Variants in AFG1L observed in about 807,000 individuals in gnomAD.
AFG1L encodes the protein AFG1 like ATPase, also known as AFG1-like ATPase.
A neutral mutation model predicts 62.2 loss-of-function variants in AFG1L; 53 were observed. The ratio of observed to expected loss-of-function variants is 0.85; its 90% confidence interval spans 0.68 to 1.07. The LOEUF (loss-of-function observed/expected upper bound fraction) is 1.07. AFG1L is among the 50% of genes least tolerant of loss of function. The probability of loss-of-function intolerance (pLI) is 0.00; values close to 1 mark genes in which losing one functional copy is unlikely to be tolerated. For missense variants in AFG1L, 555 were observed against 590.5 expected (o/e 0.94, Z 0.62); for synonymous variants, 228 against 210.3 (o/e 1.08, Z -0.73).
At chr6:108,374,824 G>T (rs889022551) in intron 6 of AFG1L, among the ~76,000 whole-genome samples, 1 of 152,016 alleles carries the variant, frequency 6.6e-6, no homozygotes, top group Non-Finnish European at 1.5e-5. Flanking sequence ...GCTCCTTTTT[G>T]GTTCCATATG....
intron 6 of AFG1L, among the ~76,000 whole-genome samples, chr6:108,389,935 G>A (rs1017289892): frequency 3.3e-5 from 5 of 152,168 alleles, no homozygotes; most frequent in African/African-American, 1.2e-4. Flanking sequence ...GCCTCGCTAG[G>A]TTGGGGAAGT....
At chr6:108,424,401 T>C (rs1172039856) in intron 7 of AFG1L, among the ~76,000 whole-genome samples, 1 of 152,128 alleles carries the variant, frequency 6.6e-6, no homozygotes, top group Non-Finnish European at 1.5e-5. Flanking sequence ...TACAAAAGCC[T>C]AATTGCCCCA....
rs1777330822 is a variant in AFG1L at position 108,309,696 on chromosome 6, A to T, written c.140-14129A>T. On this transcript the variant is annotated intron_variant, in intron 1 of 12. Transcript: ENST00000368977. ...CAACTGTAGGTTTTATGAAGTCTAAATACAGATTAAATATTTCCAATGAAA... is the reference window on the plus strand; with the variant it reads ...CAACTGTAGGTTTTATGAAGTCTAATTACAGATTAAATATTTCCAATGAAA... Among the ~76,000 whole-genome samples the T allele has an allele frequency of 2.0e-5, 3 of 152,338 alleles. No homozygotes were observed. The South Asian group carries it at 6.2e-4, about 32-fold the overall frequency.
At chr6:108,313,100 G>C (rs941328884) in intron 1 of AFG1L, among the ~76,000 whole-genome samples, 48 of 152,276 alleles carry the variant, frequency 3.2e-4, no homozygotes, top group African/African-American at 1.2e-3. Flanking sequence ...TGGCCAGGGT[G>C]GTGATCACAT....
In AFG1L at chr6:108,517,886, A is replaced by G. The variant is rs187351428; in HGVS notation, c.1204-1811A>G. ...CTCAAAAGAAGACATTTATTCAGCC[A>G]AAAGACACATGGAAAAATGCTCATC... On this transcript the variant is annotated intron_variant, in intron 11 of 12. Transcript: ENST00000368977. Among the ~76,000 whole-genome samples, 112 of 152,382 alleles carry G rather than the reference A, an allele frequency of 7.3e-4. 1 individual carries two copies. Among genetic ancestry groups the G allele is most frequent in the African/African-American group, 2.6e-3 (107 of 41,592 alleles).
intron 1 of AFG1L, among the ~76,000 whole-genome samples, chr6:108,307,244 C>T (rs1041853498): frequency 2.0e-5 from 3 of 151,868 alleles, no homozygotes; most frequent in African/African-American, 4.8e-5. Flanking sequence ...GAACTCCTGA[C>T]GTCGTGATTT....
intron 6 of AFG1L, among the ~76,000 whole-genome samples, chr6:108,375,776 C>A (rs1411096353): frequency 6.6e-6 from 1 of 150,906 alleles, no homozygotes; most frequent in Non-Finnish European, 1.5e-5. Context: ...GGGATATCAG[C>A]CTTTTTATTG....
intron 10 of AFG1L, among the ~76,000 whole-genome samples, chr6:108,501,924 T>C (rs7750519): frequency 0.017 from 2,575 of 152,350 alleles, 77 homozygotes; most frequent in African/African-American, 0.059. Flanking sequence ...AAAAAATACA[T>C]ACTTTAATTT....
chr6:108,506,748 T>C (rs971031914), intron 10 of AFG1L, among the ~76,000 whole-genome samples: 5 of 152,246 alleles, frequency 3.3e-5, no homozygotes, highest in African/African-American at 1.2e-4. Context: ...AAATGGTTGT[T>C]ATAATGTATT....
chr6:108,359,388 G>A (rs1779434297), intron 5 of AFG1L: 1 of 152,238 alleles, frequency 6.6e-6, no homozygotes, highest in Admixed American at 6.5e-5. Flanking sequence ...CAGATTACAT[G>A]TTGAGTGTAA....
intron 10 of AFG1L, among the ~76,000 whole-genome samples, chr6:108,492,244 C>A (rs1773803214): frequency 6.6e-6 from 1 of 152,158 alleles, no homozygotes; most frequent in South Asian, 2.1e-4. Flanking sequence ...TTGCACTATG[C>A]AGCTCATCTT....
intron 1 of AFG1L, among the ~76,000 whole-genome samples, chr6:108,308,677 G>A (rs1777295399): frequency 6.6e-6 from 1 of 151,514 alleles, no homozygotes; most frequent in Non-Finnish European, 1.5e-5. Context: ...AGATGAAGAA[G>A]TTCTAAATTT....
intron 1 of AFG1L, among the ~76,000 whole-genome samples, chr6:108,305,461 C>T (rs1391452701): frequency 2.0e-5 from 3 of 152,220 alleles, no homozygotes. Flanking sequence ...TCACGGCTCA[C>T]TGCAGCCTCA....
chr6:108,408,971 TA>T, intron 7 of AFG1L, among the ~76,000 whole-genome samples: 1 of 123,892 alleles, frequency 8.1e-6, no homozygotes, highest in East Asian at 2.1e-4. Context: ...GAGGAACAGT[TA>T]GGTAAATGAT....
At chr6:108,485,645 TATATATATATA>T (rs1218168049) in intron 10 of AFG1L, among the ~76,000 whole-genome samples, 6 of 20,876 alleles carry the variant, frequency 2.9e-4, no homozygotes, top group African/African-American at 4.9e-4. Context: ...TATATATATA[TATATATATATA>T]TTTTTTTTTT....
chr6:108,497,759 C>T (rs930331081), intron 10 of AFG1L, among the ~76,000 whole-genome samples: 1 of 152,166 alleles, frequency 6.6e-6, no homozygotes, highest in East Asian at 1.9e-4. Context: ...TAATTCTTAA[C>T]TATAAAAGCT....
rs76165237 is a variant in AFG1L at position 108,355,119 on chromosome 6, G to A, written c.416-535G>A. Among the ~76,000 whole-genome samples, 630 of 70,260 alleles carry A rather than the reference G, an allele frequency of 9.0e-3. 4 individuals are homozygous for A. Among genetic ancestry groups the A allele is most frequent in the African/African-American group, 0.031 (586 of 18,772 alleles). 46.1% of individuals were successfully genotyped at this position (70,260 alleles called of 152,430 possible). A position where few individuals can be genotyped will look rare whatever the true frequency, so the allele number is the denominator to read the frequency against. On this transcript the variant is annotated intron_variant, in intron 3 of 12. Coordinates refer to ENST00000368977, the MANE Select transcript of AFG1L (RefSeq NM_145315.5). ...TCTTTCTTCTCTTTTTTTTTTTTTT[G>A]TTTTGAGATGGGGGTCTCGCTATGT...
At chr6:108,314,043 T>C (rs933942938) in intron 1 of AFG1L, among the ~76,000 whole-genome samples, 10 of 151,976 alleles carry the variant, frequency 6.6e-5, no homozygotes, top group Non-Finnish European at 1.3e-4. Context: ...GGCCAGACCA[T>C]GGCCAACATG....
At chr6:108,519,020 A>G (rs1775019066) in intron 11 of AFG1L, among the ~76,000 whole-genome samples, 1 of 152,234 alleles carries the variant, frequency 6.6e-6, no homozygotes, top group Non-Finnish European at 1.5e-5. Context: ...GTGGTGCTAT[A>G]ACAAAATACC....
Sources: allele counts gnomAD v4.1 joint callset (sites outside exome capture counted in the v4.1 genomes callset), GRCh38; gene constraint gnomAD v4.1.1; transcripts MANE v1.5; gene names NCBI Gene and HGNC (gene_info 2026-07-23, HGNC 2026-07-21).